EPHA6: variants seen among roughly 807,000 people sequenced by gnomAD.
EPHA6 encodes EPH receptor A6.
Under a neutral mutation model 112.0 loss-of-function variants are expected in EPHA6, and 50 were observed. The observed-to-expected ratio is 0.45, with a 90% confidence interval of 0.36 to 0.56. EPHA6 has a LOEUF of 0.56. Among genes scored for constraint, EPHA6 ranks in the 20% least tolerant of loss-of-function variants. The pLI is 0.00. For missense variants in EPHA6, 1,280 were observed against 1,417.4 expected, an observed-to-expected ratio of 0.90 and a Z score of 1.56; for synonymous variants, 529 against 490.7, an observed-to-expected ratio of 1.08 and a Z score of -1.03.
intron 5 of EPHA6, among the ~76,000 whole-genome samples, chr3:97,326,693 G>A (rs962898286): frequency 7.2e-5 from 11 of 152,122 alleles, no homozygotes; most frequent in African/African-American, 2.6e-4. Context: ...GTAGAAATTG[G>A]ATGCACACAT....
chr3:97,217,238 CA>C (rs1576701724), intron 3 of EPHA6, among the ~76,000 whole-genome samples: 1 of 151,948 alleles, frequency 6.6e-6, no homozygotes, highest in East Asian at 1.9e-4. Context: ...AAGGGCTTTC[CA>C]AAAGACAACT....
chr3:97,073,856 T>C (rs1479581224), intron 3 of EPHA6, among the ~76,000 whole-genome samples: 1 of 152,094 alleles, frequency 6.6e-6, no homozygotes, highest in South Asian at 2.1e-4. Flanking sequence ...AAACAAAATA[T>C]GTATGCTAGC....
intron 2 of EPHA6, among the ~76,000 whole-genome samples, chr3:96,982,622 GTCTCA>G (rs1298691065): frequency 2.0e-5 from 3 of 152,090 alleles, no homozygotes; most frequent in African/African-American, 7.2e-5. Context: ...TTAACTTTCT[GTCTCA>G]TTGATCTGTC....
intron 5 of EPHA6, among the ~76,000 whole-genome samples, chr3:97,336,753 T>A (rs773074040): frequency 1.3e-5 from 2 of 152,144 alleles, no homozygotes; most frequent in African/African-American, 2.4e-5. Flanking sequence ...AAGAGCTCAA[T>A]GTCTCAGAGA....
At chr3:97,094,455 A>G (rs898744112) in intron 3 of EPHA6, among the ~76,000 whole-genome samples, 6 of 152,170 alleles carry the variant, frequency 3.9e-5, no homozygotes, top group Non-Finnish European at 7.4e-5. Flanking sequence ...TAAATGGAAG[A>G]ACAAGCAAGC....
At chr3:96,962,251 A>C (rs1258266672) in intron 2 of EPHA6, among the ~76,000 whole-genome samples, 1 of 152,020 alleles carries the variant, frequency 6.6e-6, no homozygotes, top group African/African-American at 2.4e-5. Context: ...AGAACAGTGA[A>C]ATGAAAGTTA....
At chr3:97,175,678 T>G (rs905328487) in intron 3 of EPHA6, among the ~76,000 whole-genome samples, 2 of 151,870 alleles carry the variant, frequency 1.3e-5, no homozygotes, top group Admixed American at 1.3e-4. Flanking sequence ...TTCAAAAATT[T>G]CTTTTTCACA....
chr3:96,970,182 C>G (rs970825133), intron 2 of EPHA6, among the ~76,000 whole-genome samples: 1 of 151,814 alleles, frequency 6.6e-6, no homozygotes, highest in Admixed American at 6.6e-5. Context: ...AGTTCACTCT[C>G]TCTCCTGACA....
At chr3:96,842,348 T>C (rs1246818036) in intron 1 of EPHA6, among the ~76,000 whole-genome samples, 2 of 152,070 alleles carry the variant, frequency 1.3e-5, no homozygotes, top group Admixed American at 1.3e-4. Context: ...TTAACTGCCC[T>C]TTACCTGGTC....
intron 3 of EPHA6, among the ~76,000 whole-genome samples, chr3:97,172,344 T>G (rs1576615031): frequency 6.6e-6 from 1 of 152,044 alleles, no homozygotes; most frequent in Admixed American, 6.6e-5. Flanking sequence ...ACATATTTGT[T>G]GAATTAATGC....
At chr3:97,268,465 A>C (rs1255509383) in intron 5 of EPHA6, among the ~76,000 whole-genome samples, 4 of 152,224 alleles carry the variant, frequency 2.6e-5, no homozygotes, top group Admixed American at 2.0e-4. Flanking sequence ...AAACTTTATC[A>C]GTATGAATAT....
intron 14 of EPHA6, among the ~76,000 whole-genome samples, chr3:97,668,785 G>A (rs2030434179): frequency 6.6e-6 from 1 of 151,402 alleles, no homozygotes. Flanking sequence ...ATGGTGGAGA[G>A]TGCCTGTAGT....
At chr3:96,883,520 T>C (rs576872865) in intron 2 of EPHA6, among the ~76,000 whole-genome samples, 1 of 152,230 alleles carries the variant, frequency 6.6e-6, no homozygotes, top group Non-Finnish European at 1.5e-5. Context: ...TTTTCCAATG[T>C]TATCTTCTAG....
intron 3 of EPHA6, among the ~76,000 whole-genome samples, chr3:97,206,507 A>AG (rs2108506486): frequency 6.6e-6 from 1 of 152,020 alleles, no homozygotes; most frequent in Non-Finnish European, 1.5e-5. Context: ...ACTCATTTCC[A>AG]TGCTTACATC....
At position 97,716,596 on chromosome 3, in the gene EPHA6, A is replaced by C. The variant is rs1427242694; in HGVS notation, c.2785-3665A>C. ...TCTCAAAAAAAAAAAAAAAAAAAAA[A>C]AAGAAAAGACCCAGGTGCTTCTGTG... On this transcript the variant is annotated intron_variant, in intron 14 of 17. Transcript: ENST00000389672. Among the ~76,000 whole-genome samples the C allele has an allele frequency of 1.1e-4, 16 of 151,194 alleles. No homozygotes were observed. In the East Asian group the frequency reaches 1.6e-3, roughly 15 times the overall value.
chr3:96,824,729 T>C (rs944046265), intron 1 of EPHA6, among the ~76,000 whole-genome samples: 12 of 152,012 alleles, frequency 7.9e-5, no homozygotes, highest in African/African-American at 2.9e-4. Flanking sequence ...ATCTACAAAC[T>C]ATTGTTTACA....
chr3:96,848,665 G>C (rs1287091910), intron 1 of EPHA6, among the ~76,000 whole-genome samples: 1 of 152,042 alleles, frequency 6.6e-6, no homozygotes, highest in African/African-American at 2.4e-5. Context: ...ACGTTTATTT[G>C]AAAATTTGAT....
At chr3:96,902,711 G>A (rs1297017576) in intron 2 of EPHA6, among the ~76,000 whole-genome samples, 1 of 152,118 alleles carries the variant, frequency 6.6e-6, no homozygotes, top group Non-Finnish European at 1.5e-5. Flanking sequence ...TGTTGCCAGA[G>A]CCAGAAGCAG....
rs1299031463 is a variant in EPHA6 at position 97,560,358 on chromosome 3, G to A, written c.2386+27815G>A. ...GTATGGGTTTTGTTCAACAGATAGTGTGATTGTGAAACTAGAGCATCTAAA... is the reference window on the plus strand; with the variant it reads ...GTATGGGTTTTGTTCAACAGATAGTATGATTGTGAAACTAGAGCATCTAAA... On this transcript the variant is annotated intron_variant, in intron 11 of 17. Coordinates refer to ENST00000389672, the MANE Select transcript of EPHA6 (RefSeq NM_001080448.3). The A allele has an allele frequency of 2.6e-5, 4 of 151,964 alleles. No individual in the cohort carries two copies. In the Admixed American group the frequency reaches 2.6e-4, roughly 10 times the overall value. The allele number at this position is 151,964 out of a possible 1,614,324, so 9.4% of individuals were successfully genotyped here. A position where few individuals can be genotyped will look rare whatever the true frequency, so the allele number is the denominator to read the frequency against.
Sources: gnomAD v4.1 joint callset for allele counts (sites outside exome capture counted in the v4.1 genomes callset) on GRCh38, gnomAD v4.1.1 for gene constraint, MANE v1.5 for transcripts, NCBI Gene and HGNC (gene_info 2026-07-23, HGNC 2026-07-21) for gene names.